The following U2SURP variants were observed in gnomAD, a reference collection of about 807,000 sequenced individuals.
U2SURP encodes U2 snRNP-associated SURP motif-containing protein.
Under a neutral mutation model 144.9 loss-of-function variants are expected in U2SURP, and 9 were observed. That is an observed-to-expected ratio of 0.06 (90% CI 0.04 to 0.11). The LOEUF (loss-of-function observed/expected upper bound fraction) is 0.11, where lower values mean the gene tolerates loss of function less well. U2SURP is among the 10% of genes least tolerant of loss of function. The probability of loss-of-function intolerance (pLI) is 1.00; values close to 1 mark genes in which losing one functional copy is unlikely to be tolerated. For missense variants in U2SURP, 724 were observed against 1,226.7 expected, an observed-to-expected ratio of 0.59 and a Z score of 6.12; for synonymous variants, 408 against 396.8, an observed-to-expected ratio of 1.03 and a Z score of -0.33.
chr3:143,035,420 G>T (rs1933759409), intron 19 of U2SURP, among the ~76,000 whole-genome samples: 1 of 152,080 alleles, frequency 6.6e-6, no homozygotes. Flanking sequence ...TGCTTTCATG[G>T]GAAGAAGACT....
At chr3:143,035,106 G>A (rs1365523018) in intron 19 of U2SURP, 131 bp downstream of exon 19, 1 of 452,456 alleles carries the variant, frequency 2.2e-6, no homozygotes, top group African/African-American at 2.0e-5. Context: ...AGAAGTTACT[G>A]TTTTAAAATT....
At chr3:143,053,646 C>G in intron 25 of U2SURP, 30 bp from the exon 26 acceptor site, 4 of 1,171,002 alleles carry the variant, frequency 3.4e-6, no homozygotes, top group Non-Finnish European at 4.8e-6. Flanking sequence ...TATTTTTAAA[C>G]AACTTAATAT....
intron 18 of U2SURP, among the ~76,000 whole-genome samples, chr3:143,033,800 A>G (rs542609152): frequency 6.6e-6 from 1 of 152,234 alleles, no homozygotes; most frequent in South Asian, 2.1e-4. Flanking sequence ...GAATTTCTTA[A>G]TGGTTTGTAG....
At chr3:143,001,899 G>C (rs1224468464) in intron 1 of U2SURP, among the ~76,000 whole-genome samples, 1 of 152,252 alleles carries the variant, frequency 6.6e-6, no homozygotes, top group African/African-American at 2.4e-5. Context: ...GGGTGGAGGC[G>C]TGAGTGCTTC....
chr3:143,019,678 G>T (rs1375803624), intron 6 of U2SURP, among the ~76,000 whole-genome samples: 1 of 152,198 alleles, frequency 6.6e-6, no homozygotes, highest in African/African-American at 2.4e-5. Context: ...TTTTTGAAGA[G>T]TGCGTATTTT....
At chr3:143,015,624 T>C (rs1936334126) in intron 4 of U2SURP, among the ~76,000 whole-genome samples, 1 of 152,148 alleles carries the variant, frequency 6.6e-6, no homozygotes, top group African/African-American at 2.4e-5. Flanking sequence ...TTGAAAAGTT[T>C]GTCTATTTCC....
At chr3:143,041,710 A>C (rs1316539797) in intron 23 of U2SURP, among the ~76,000 whole-genome samples, 2 of 152,026 alleles carry the variant, frequency 1.3e-5, no homozygotes, top group African/African-American at 2.4e-5. Context: ...AACTTTTTAC[A>C]TTATTAAGAA....
chr3:143,029,780 G>A (rs1318934246), intron 16 of U2SURP, among the ~76,000 whole-genome samples: 3 of 152,312 alleles, frequency 2.0e-5, no homozygotes, highest in Admixed American at 6.5e-5. Context: ...AGTTATCAAT[G>A]CAAAGGAAGA....
intron 1 of U2SURP, among the ~76,000 whole-genome samples, chr3:143,010,408 G>T (rs1328169667): frequency 6.6e-6 from 1 of 152,144 alleles, no homozygotes; most frequent in Admixed American, 6.6e-5. Flanking sequence ...TGTGGCTTTG[G>T]GTGATTAGAG....
intron 16 of U2SURP, among the ~76,000 whole-genome samples, chr3:143,030,197 T>G (rs867314798): frequency 4.3e-4 from 65 of 152,220 alleles, no homozygotes; most frequent in African/African-American, 1.4e-3. Context: ...GAAAATGTAA[T>G]TTAGCACTTT....
chr3:143,011,999 T>C, intron 2 of U2SURP: 1 of 657,136 alleles, frequency 1.5e-6, no homozygotes, highest in Non-Finnish European at 2.8e-6. Context: ...GGAAAACAAC[T>C]GTTACCAATA....
At chr3:143,023,709 G>A (rs1932967160) in intron 12 of U2SURP, among the ~76,000 whole-genome samples, 1 of 152,182 alleles carries the variant, frequency 6.6e-6, no homozygotes, top group Admixed American at 6.5e-5. Flanking sequence ...ATAATTCTCA[G>A]TGTAGTACCT....
chr3:143,051,620 AAG>A (rs1491057732), intron 25 of U2SURP, among the ~76,000 whole-genome samples: 4 of 150,918 alleles, frequency 2.7e-5, no homozygotes, highest in Non-Finnish European at 5.9e-5. Context: ...AAAAAAAAAA[AAG>A]AAAAACCAAT....
chr3:143,047,619 A>G (rs113821125), intron 24 of U2SURP, among the ~76,000 whole-genome samples: 10 of 22,966 alleles, frequency 4.4e-4, no homozygotes, highest in South Asian at 1.7e-3. Context: ...CTGGCCGGGC[A>G]GGGGGCTGAC....
In U2SURP at chr3:143,038,905, T is replaced by A; in HGVS notation, c.2329T>A (p.Ser777Thr). 1 of 1,543,694 alleles carries A rather than the reference T, an allele frequency of 6.5e-7. No individual in the cohort carries two copies. Among genetic ancestry groups the A allele is most frequent in the Non-Finnish European group, 8.7e-7 (1 of 1,147,322 alleles). Residue 777 changes from serine to threonine, a missense_variant, in exon 23 of 28, where the codon TCT becomes ACT. Transcript: ENST00000473835. ...TTCCTTTCATTCAGCTGTTACAACTTCTAAATGGGAATTATTTGACCAGCA... is the reference window on the plus strand; with the variant it reads ...TTCCTTTCATTCAGCTGTTACAACTACTAAATGGGAATTATTTGACCAGCA... The part of the protein sequence containing the change: ...SELEAQAVTT[S>T]KWELFDQHEE...
Position 143,043,190 on chromosome 3 carries a change from C to G in U2SURP, c.2458C>G (p.Pro820Ala). The G allele has an allele frequency of 1.2e-6, 2 of 1,603,804 alleles. No individual in the cohort carries two copies. The highest frequency in any genetic ancestry group is 1.7e-6 in the Non-Finnish European group (2 of 1,174,574). The change falls in exon 24 of 28, where the codon CCA (proline) becomes GCA (alanine). Residue 820 changes from proline to alanine, a missense_variant. Physicochemically the swap from Pro to Ala is conservative, Grantham distance 27. This residue lies in a region of U2SURP where 50 missense variants were observed against 48.0 expected (regional missense o/e 1.04). Transcript: ENST00000473835. ...KSEEHHLYSN[P>A]IKEEMTESKF... ...TGAAGAACATCATTTGTACTCTAAT[C>G]CAATCAAAGAAGAAATGACTGAGTC...
In U2SURP at chr3:143,020,013, A is replaced by G. The variant is rs563231457; in HGVS notation, c.615A>G (p.Glu205=). The part of the protein sequence containing the change: ...GEKEKKKSNL[E]LFKEELKQIQ... ...AAGAAAAGAAAAAAAGCAATTTGGAACTCTTCAAAGAAGAATTAAAGCAGT... is the reference window on the plus strand; with the variant it reads ...AAGAAAAGAAAAAAAGCAATTTGGAGCTCTTCAAAGAAGAATTAAAGCAGT... The change falls in exon 7 of 28, where the codon GAA becomes GAG. Residue 205 remains glutamate (E), a synonymous_variant. Coordinates refer to ENST00000473835, the MANE Select transcript of U2SURP (RefSeq NM_001080415.2). The G allele has an allele frequency of 2.0e-6, 3 of 1,519,598 alleles. No individual in the cohort carries two copies. Among genetic ancestry groups the G allele is most frequent in the East Asian group, 2.5e-5 (1 of 40,408 alleles). The allele number at this position is 1,519,598 out of a possible 1,614,324, so 94.1% of individuals were successfully genotyped here.
rs1388775308 is a variant in U2SURP, at chr3:143,059,716, G to A, written c.*3266G>A. ...CTAAGACTGTACAGTTTACAAATAAGGTTTTTTTCTTTGTTGTTTTCCTCT... is the reference window on the plus strand; with the variant it reads ...CTAAGACTGTACAGTTTACAAATAAAGTTTTTTTCTTTGTTGTTTTCCTCT... On this transcript the variant is annotated 3_prime_UTR_variant, in exon 28 of 28. Coordinates refer to ENST00000473835, the MANE Select transcript of U2SURP (RefSeq NM_001080415.2). The A allele has an allele frequency of 6.6e-6, 1 of 151,680 alleles. No homozygotes were observed. Among genetic ancestry groups the A allele is most frequent in the Non-Finnish European group, 1.5e-5 (1 of 67,758 alleles). 9.4% of individuals were successfully genotyped at this position (151,680 alleles called of 1,614,324 possible).
At chr3:143,053,446 A>G (rs1934988882) in intron 25 of U2SURP, among the ~76,000 whole-genome samples, 1 of 152,172 alleles carries the variant, frequency 6.6e-6, no homozygotes, top group Non-Finnish European at 1.5e-5. Flanking sequence ...GGCCTGTGGT[A>G]AGCACTCAGT....
Sources: gnomAD v4.1 joint callset for allele counts (sites outside exome capture counted in the v4.1 genomes callset) on GRCh38, gnomAD v4.1.1 for gene constraint, gnomAD v4.1.1 regional missense constraint, MANE v1.5 for transcripts, NCBI Gene and HGNC (gene_info 2026-07-23, HGNC 2026-07-21) for gene names.